Variants in UQCC1 observed in about 807,000 individuals in gnomAD.
UQCC1 encodes bFGF-repressed Zic-binding protein.
UQCC1 carries 38 observed loss-of-function variants against 48.0 expected under a neutral mutation model. The observed-to-expected ratio is 0.79, with a 90% CI of 0.61 to 1.04. The LOEUF (loss-of-function observed/expected upper bound fraction) is 1.04. Among genes scored for constraint, UQCC1 ranks in the 50% least tolerant of loss-of-function variants. The pLI is 0.00. For missense variants in UQCC1, 368 were observed against 381.8 expected (o/e 0.96, Z 0.30); for synonymous variants, 111 against 129.2 (o/e 0.86, Z 0.95).
intron 1 of UQCC1, chr20:35,410,067 A>C (rs1039368378): frequency 6.6e-6 from 1 of 151,904 alleles, no homozygotes; most frequent in Non-Finnish European, 1.5e-5. Flanking sequence ...CAGCCTCCCA[A>C]TGTGCTGGGA....
At chr20:35,363,909 T>G (rs1380940359) in intron 6 of UQCC1, among the ~76,000 whole-genome samples, 2 of 152,098 alleles carry the variant, frequency 1.3e-5, no homozygotes, top group Non-Finnish European at 2.9e-5. Flanking sequence ...ACATGGCTTC[T>G]CCACAGACTT....
intron 7 of UQCC1, chr20:35,346,858 T>C (rs2061436689): frequency 1.5e-5 from 12 of 788,706 alleles, no homozygotes; most frequent in South Asian, 1.3e-4. Flanking sequence ...AACTGGATTA[T>C]CATTTGATTC....
intron 7 of UQCC1, among the ~76,000 whole-genome samples, chr20:35,325,351 T>C (rs1432137826): frequency 6.6e-6 from 1 of 152,238 alleles, no homozygotes; most frequent in African/African-American, 2.4e-5. Context: ...ATATTATGTA[T>C]GTATATTTTA....
intron 4 of UQCC1, among the ~76,000 whole-genome samples, chr20:35,379,668 T>C (rs1016263707): frequency 6.6e-6 from 1 of 152,118 alleles, no homozygotes; most frequent in African/African-American, 2.4e-5. Flanking sequence ...CAGCCAGGTG[T>C]GGTGGCATGC....
At chr20:35,312,688 C>T (rs1216637577) in intron 8 of UQCC1, among the ~76,000 whole-genome samples, 1 of 152,118 alleles carries the variant, frequency 6.6e-6, no homozygotes, top group African/African-American at 2.4e-5. Context: ...ATCAGGTGTT[C>T]ATTACACCAT....
In UQCC1 at chr20:35,374,177, A is replaced by G. The variant is rs781699519; in HGVS notation, c.406+7T>C. The G allele has an allele frequency of 6.2e-7, 1 of 1,606,786 alleles. No homozygotes were observed. Among genetic ancestry groups the G allele is most frequent in the Non-Finnish European group, 8.5e-7 (1 of 1,174,280 alleles). On this transcript the variant is annotated splice_region_variant and intron_variant, in intron 5 of 9. Transcript: ENST00000374385. ...CTCCTTTTCAGTACTATCAAACAATAACTTACTTAGAAAGAATTCCTCGAA... is the reference window on the plus strand; with the variant it reads ...CTCCTTTTCAGTACTATCAAACAATGACTTACTTAGAAAGAATTCCTCGAA...
At chr20:35,341,054 C>A (rs2061371477) in intron 7 of UQCC1, among the ~76,000 whole-genome samples, 1 of 151,588 alleles carries the variant, frequency 6.6e-6, no homozygotes. Context: ...CATGGTGAAA[C>A]CCTGTCTAAA....
At chr20:35,367,819 T>G (rs1466439128) in intron 5 of UQCC1, among the ~76,000 whole-genome samples, 1 of 152,100 alleles carries the variant, frequency 6.6e-6, no homozygotes, top group Non-Finnish European at 1.5e-5. Context: ...TCTAGGGAGC[T>G]GCAGCTGAAT....
chr20:35,346,968 G>A lies in UQCC1; in HGVS notation c.573+196C>T, dbSNP rs186727872. The stretch of plus-strand genomic sequence containing the variant: ...TCACACTGACAAATCACTATAATGT[G>A]TACAAACACATAAAGTATCTGTGGA... On this transcript the variant is annotated intron_variant, in intron 7 of 9. Transcript: ENST00000374385. 192 of 1,517,114 alleles carry A rather than the reference G, an allele frequency of 1.3e-4. 1 individual carries two copies. The African/African-American group carries it at 2.4e-3, about 19-fold the overall frequency. The allele number at this position is 1,517,114 out of a possible 1,614,324, so 94.0% of individuals were successfully genotyped here.
intron 6 of UQCC1, among the ~76,000 whole-genome samples, chr20:35,349,533 T>C (rs118089574): frequency 2.6e-5 from 4 of 152,352 alleles, no homozygotes; most frequent in Non-Finnish European, 4.4e-5. Context: ...GAGACTTTTG[T>C]TATACTCAAC....
intron 2 of UQCC1, among the ~76,000 whole-genome samples, chr20:35,385,983 C>A (rs1321070222): frequency 6.6e-6 from 1 of 151,692 alleles, no homozygotes; most frequent in Admixed American, 6.6e-5. Flanking sequence ...GCATTTGATA[C>A]AAAGAACAAA....
At chr20:35,378,908 T>C (rs1042039281) in intron 4 of UQCC1, among the ~76,000 whole-genome samples, 24 of 152,244 alleles carry the variant, frequency 1.6e-4, no homozygotes, top group African/African-American at 5.8e-4. Flanking sequence ...CTCAAATACC[T>C]GAGAAGAATC....
intron 8 of UQCC1, 33 bp from the exon 9 acceptor site, chr20:35,306,812 G>C: frequency 6.5e-7 from 1 of 1,538,852 alleles, no homozygotes. Context: ...GGTCTCCTGA[G>C]GGATCCACAG....
At chr20:35,307,346 A>C (rs146326465) in intron 8 of UQCC1, among the ~76,000 whole-genome samples, 58 of 152,278 alleles carry the variant, frequency 3.8e-4, no homozygotes, top group Non-Finnish European at 6.0e-4. Context: ...AAGTAGGGGA[A>C]CAGGATGTTC....
chr20:35,361,577 T>A (rs536693850), intron 6 of UQCC1, among the ~76,000 whole-genome samples: 2 of 152,238 alleles, frequency 1.3e-5, no homozygotes, highest in Non-Finnish European at 2.9e-5. Flanking sequence ...GTAGGTACTT[T>A]AGTATTAATT....
chr20:35,355,380 G>A (rs2061535838), intron 6 of UQCC1, among the ~76,000 whole-genome samples: 1 of 152,208 alleles, frequency 6.6e-6, no homozygotes, highest in South Asian at 2.1e-4. Flanking sequence ...CCACAGGGCT[G>A]TCCAATCACC....
At chr20:35,304,948 C>T (rs758394135) in intron 9 of UQCC1, among the ~76,000 whole-genome samples, 4 of 152,202 alleles carry the variant, frequency 2.6e-5, no homozygotes, top group Non-Finnish European at 5.9e-5. Flanking sequence ...TACAGTGACT[C>T]CATTTCTGCC....
intron 1 of UQCC1, among the ~76,000 whole-genome samples, chr20:35,404,455 G>A (rs1488442290): frequency 6.6e-6 from 1 of 151,828 alleles, no homozygotes; most frequent in Non-Finnish European, 1.5e-5. Flanking sequence ...CAGGAGAATG[G>A]CGTGAACCCG....
chr20:35,349,661 A>G (rs540737076), intron 6 of UQCC1, among the ~76,000 whole-genome samples: 14 of 152,258 alleles, frequency 9.2e-5, no homozygotes, highest in Admixed American at 3.3e-4. Flanking sequence ...GAAAAACAGG[A>G]AAGTTGACTT....
Sources: allele counts gnomAD v4.1 joint callset (sites outside exome capture counted in the v4.1 genomes callset), GRCh38; gene constraint gnomAD v4.1.1; transcripts MANE v1.5; gene names NCBI Gene and HGNC (gene_info 2026-07-23, HGNC 2026-07-21).